Variants in ABL1 observed in about 807,000 individuals in gnomAD.
ABL1 encodes the protein tyrosine-protein kinase ABL1.
Under a neutral mutation model 94.7 loss-of-function variants are expected in ABL1, and 11 were observed. That is an observed-to-expected ratio of 0.12 (90% confidence interval 0.07 to 0.19). The LOEUF (loss-of-function observed/expected upper bound fraction) is 0.19, where lower values mean the gene tolerates loss of function less well. Ranked by LOEUF, ABL1 falls within the 10% of genes least tolerant of loss-of-function variation. The pLI is 1.00. For missense variants in ABL1, 1,082 were observed against 1,489.4 expected, an observed-to-expected ratio of 0.73 and a Z score of 4.50; for synonymous variants, 656 against 622.4, an observed-to-expected ratio of 1.05 and a Z score of -0.80.
upstream of ABL1, chr9:130,835,144 C>T (rs1279764629): frequency 9.1e-6 from 2 of 218,902 alleles, no homozygotes; most frequent in Non-Finnish European, 1.9e-5. The surrounding 1 kb of genome is among the most constrained non-coding windows in gnomAD (Gnocchi z 4.6). Context: ...GGCTCGGCCT[C>T]GGGAACGCCA....
At chr9:130,848,628 A>C (rs1830811649) in intron 1 of ABL1, among the ~76,000 whole-genome samples, 1 of 151,900 alleles carries the variant, frequency 6.6e-6, no homozygotes, top group Non-Finnish European at 1.5e-5. Flanking sequence ...ATATACCATA[A>C]TATAGAGAAG....
At chr9:130,760,161 C>T (rs1295365623) in intron 1 of ABL1, among the ~76,000 whole-genome samples, 1 of 151,920 alleles carries the variant, frequency 6.6e-6, no homozygotes, top group Non-Finnish European at 1.5e-5. Context: ...TCCCCTTATG[C>T]TTGGGTCACA....
rs1554759813 is a variant in ABL1 at position 130,750,194 on chromosome 9, T to TATATATAC, written c.136+35746_136+35747insCATATATA. On this transcript the variant is annotated intron_variant, in intron 1 of 10. Transcript: ENST00000372348. ...CCTGACTCAAGAAAAAAAAAATACA[T>TATATATAC]ATATATATATATATATATATATATA... is the stretch of plus-strand genomic sequence containing the variant. 7.0e-4 allele frequency among the ~76,000 whole-genome samples: 4 copies of TATATATAC among 5,724 alleles called. No individual in the cohort carries two copies. In the African/African-American group the frequency reaches 8.3e-3, roughly 12 times the overall value. The allele number at this position is 5,724 out of a possible 152,430, so 3.8% of individuals were successfully genotyped here.
intron 1 of ABL1, among the ~76,000 whole-genome samples, chr9:130,733,853 G>A (rs1480764018): frequency 2.0e-5 from 3 of 151,980 alleles, no homozygotes; most frequent in Admixed American, 6.5e-5. Flanking sequence ...GCCTCCCAAA[G>A]TGCTGGGGTT....
At chr9:130,800,269 T>A (rs1830037886) in intron 1 of ABL1, among the ~76,000 whole-genome samples, 1 of 152,182 alleles carries the variant, frequency 6.6e-6, no homozygotes. Context: ...ATTATTTACA[T>A]ATAATATCCA....
At chr9:130,844,491 AT>A (rs35174185) in intron 1 of ABL1, among the ~76,000 whole-genome samples, 67,021 of 149,416 alleles carry the variant, frequency 0.45, 15,082 homozygotes, top group Middle Eastern at 0.49. Context: ...AGGTGACACA[AT>A]TTTTTTTTTT....
chr9:130,844,263 G>A (rs1410882425), intron 1 of ABL1, among the ~76,000 whole-genome samples: 2 of 152,184 alleles, frequency 1.3e-5, no homozygotes, highest in Non-Finnish European at 1.5e-5. Flanking sequence ...CAAGGGCGTG[G>A]TAGAGCATGG....
intron 1 of ABL1, among the ~76,000 whole-genome samples, chr9:130,735,614 C>T (rs1831724906): frequency 6.6e-6 from 1 of 151,910 alleles, no homozygotes; most frequent in South Asian, 2.1e-4. Context: ...CTCAGGATCT[C>T]CCCATATTGG....
At chr9:130,721,019 A>G (rs1376179877) in intron 1 of ABL1, among the ~76,000 whole-genome samples, 1 of 150,078 alleles carries the variant, frequency 6.7e-6, no homozygotes, top group African/African-American at 2.5e-5. Flanking sequence ...AAAAAAAAAT[A>G]TTTACCATCA....
Position 130,875,099 on chromosome 9 carries a change from G to A in ABL1, c.1270+47G>A, listed in dbSNP as rs774745343. The A allele has an allele frequency of 9.6e-6, 15 of 1,558,606 alleles. No homozygotes were observed. In the South Asian group the frequency reaches 1.1e-4, roughly 11 times the overall value. ...AAGTGGTCCTTCCTGACTACAGGAG[G>A]GTTTTTTTCTGCCTCTTTCTTGCTC... On this transcript the variant is annotated intron_variant, in intron 7 of 10. Transcript: ENST00000318560.
At chr9:130,775,747 T>TAA (rs573902785) in intron 1 of ABL1, among the ~76,000 whole-genome samples, 1 of 143,732 alleles carries the variant, frequency 7.0e-6, no homozygotes, top group African/African-American at 2.6e-5. Context: ...CACGTGGAAT[T>TAA]AAAAAAAAAA....
intron 1 of ABL1, among the ~76,000 whole-genome samples, chr9:130,776,362 G>A (rs2855173): frequency 0.43 from 65,150 of 152,068 alleles, 14,354 homozygotes; most frequent in Middle Eastern, 0.52. Flanking sequence ...TTGGGAGGCC[G>A]AGGCAGGCAG....
intron 1 of ABL1, among the ~76,000 whole-genome samples, chr9:130,760,436 A>G (rs1832097096): frequency 6.6e-6 from 1 of 152,226 alleles, no homozygotes; most frequent in African/African-American, 2.4e-5. Flanking sequence ...TTATCTTAAC[A>G]TAGACCCTTC....
At chr9:130,714,494 A>G (rs780783110) in intron 1 of ABL1, 3 of 1,614,112 alleles carry the variant, frequency 1.9e-6, no homozygotes, top group Middle Eastern at 1.6e-4. Context: ...GGTTTTCCTC[A>G]TGCATTCATC....
intron 1 of ABL1, among the ~76,000 whole-genome samples, chr9:130,754,913 C>A (rs1471091488): frequency 6.6e-6 from 1 of 152,074 alleles, no homozygotes; most frequent in African/African-American, 2.4e-5. Context: ...TTAGGAATGG[C>A]TTGGCTAGGA....
chr9:130,753,502 T>G (rs2855168), intron 1 of ABL1, among the ~76,000 whole-genome samples: 1 of 143,744 alleles, frequency 7.0e-6, no homozygotes, highest in East Asian at 2.2e-4. Flanking sequence ...CTTGGCTCAC[T>G]GCAACCTCTG....
At chr9:130,764,593 C>T (rs560083631) in intron 1 of ABL1, among the ~76,000 whole-genome samples, 8 of 152,226 alleles carry the variant, frequency 5.3e-5, no homozygotes, top group African/African-American at 1.9e-4. Flanking sequence ...GCTTGTTATG[C>T]GTAAGGTCAG....
intron 1 of ABL1, among the ~76,000 whole-genome samples, chr9:130,744,848 C>T (rs2132717734): frequency 6.9e-6 from 1 of 144,216 alleles, no homozygotes; most frequent in South Asian, 2.2e-4. Flanking sequence ...CAGAGTGAGA[C>T]TCCGTCTCAA....
At chr9:130,737,679 G>A (rs771015906) in intron 1 of ABL1, among the ~76,000 whole-genome samples, 21 of 152,074 alleles carry the variant, frequency 1.4e-4, no homozygotes, top group Non-Finnish European at 2.1e-4. Flanking sequence ...GCTGAGCACC[G>A]AGCTGGTTCT....
Sources: gnomAD v4.1 joint callset for allele counts (sites outside exome capture counted in the v4.1 genomes callset) on GRCh38, gnomAD v4.1.1 for gene constraint, Gnocchi (gnomAD v3.1) non-coding constraint, MANE v1.5 for transcripts, NCBI Gene and HGNC (gene_info 2026-07-23, HGNC 2026-07-21) for gene names.